The following ERBB4 variants were observed in gnomAD, a reference collection of about 807,000 sequenced individuals.
The protein encoded by ERBB4 is erb-b2 receptor tyrosine kinase 4.
A neutral mutation model predicts 158.0 loss-of-function variants in ERBB4; 42 were observed. That is an observed-to-expected ratio of 0.27 (90% CI 0.21 to 0.34). ERBB4 has a LOEUF of 0.34. Ranked by LOEUF, ERBB4 falls within the 10% of genes least tolerant of loss-of-function variation. The pLI, the probability that ERBB4 is intolerant of heterozygous loss-of-function variation, is 1.00. For synonymous variants in ERBB4, 583 were observed against 558.7 expected (o/e 1.04, Z -0.61); for missense variants, 1,333 against 1,624.1 (o/e 0.82, Z 3.08).
At chr2:211,739,431 C>T (rs1169827309) in intron 5 of ERBB4, among the ~76,000 whole-genome samples, 1 of 152,030 alleles carries the variant, frequency 6.6e-6, no homozygotes, top group Non-Finnish European at 1.5e-5. Flanking sequence ...GAAAATGATT[C>T]CACAAGGTTA....
At position 211,381,889 on chromosome 2, in the gene ERBB4, C is replaced by G. The variant is rs941280228; in HGVS notation, c.*1726G>C. On this transcript the variant is annotated 3_prime_UTR_variant, in exon 28 of 28. Coordinates refer to ENST00000342788, the MANE Select transcript of ERBB4 (RefSeq NM_005235.3). ...ATTTTCAGAAAAGGGCGACTTATAT[C>G]TAAGTTTCCTAATTATTGATGTGAG... 6 of 229,066 alleles carry G rather than the reference C, an allele frequency of 2.6e-5. No individual in the cohort carries two copies. Among genetic ancestry groups the G allele is most frequent in the Admixed American group, 1.1e-4 (2 of 17,640 alleles). The allele number at this position is 229,066 out of a possible 1,614,324, so 14.2% of individuals were successfully genotyped here. A position where few individuals can be genotyped will look rare whatever the true frequency, so the allele number is the denominator to read the frequency against.
chr2:211,921,079 C>T (rs914869220), intron 3 of ERBB4, among the ~76,000 whole-genome samples: 6 of 151,760 alleles, frequency 4.0e-5, no homozygotes, highest in Non-Finnish European at 8.8e-5. Flanking sequence ...ACACTTGATG[C>T]CAAACTTTAA....
At position 212,044,067 on chromosome 2, in the gene ERBB4, G is replaced by T. The variant is rs376689679; in HGVS notation, c.234+80685C>A. Among the ~76,000 whole-genome samples, 6 of 151,962 alleles carry T rather than the reference G, an allele frequency of 3.9e-5. No homozygotes were observed. In the South Asian group the frequency reaches 1.2e-3, roughly 31 times the overall value. ...TCTGGAAAAGGTCTTAATTTTTGTT[G>T]TTGTTTTATTCTGAGTGCTTTATGT... On this transcript the variant is annotated intron_variant, in intron 2 of 27. Transcript: ENST00000342788.
chr2:211,380,941 A>T lies in ERBB4; in HGVS notation c.*2674T>A. The T allele has an allele frequency of 4.3e-6, 1 of 232,296 alleles. No homozygotes were observed. Among genetic ancestry groups the T allele is most frequent in the Non-Finnish European group, 8.5e-6 (1 of 117,480 alleles). 14.4% of individuals were successfully genotyped at this position (232,296 alleles called of 1,614,324 possible). ...CCAGTAGAAACCATATGCATATTGTAAATCAGAAAAAAAAAATCAAGGTAT... is the reference window on the plus strand; with the variant it reads ...CCAGTAGAAACCATATGCATATTGTTAATCAGAAAAAAAAAATCAAGGTAT... On this transcript the variant is annotated 3_prime_UTR_variant, in exon 28 of 28. Coordinates refer to ENST00000342788, the MANE Select transcript of ERBB4 (RefSeq NM_005235.3).
At chr2:211,929,063 A>G (rs980449402) in intron 3 of ERBB4, among the ~76,000 whole-genome samples, 1 of 152,166 alleles carries the variant, frequency 6.6e-6, no homozygotes, top group African/African-American at 2.4e-5. Flanking sequence ...ATATACCTTC[A>G]TGGGTACATG....
At chr2:212,394,956 C>A (rs1454591070) in intron 1 of ERBB4, among the ~76,000 whole-genome samples, 1 of 152,136 alleles carries the variant, frequency 6.6e-6, no homozygotes, top group East Asian at 1.9e-4. Context: ...CCTTAAACGT[C>A]AACTTCCAGA....
At chr2:211,768,902 T>C (rs1467621384) in intron 4 of ERBB4, among the ~76,000 whole-genome samples, 5 of 152,226 alleles carry the variant, frequency 3.3e-5, no homozygotes, top group African/African-American at 4.8e-5. Context: ...GAATTTCTCA[T>C]CAGAAAATAA....
At chr2:212,346,540 G>A (rs563879637) in intron 1 of ERBB4, among the ~76,000 whole-genome samples, 2 of 135,254 alleles carry the variant, frequency 1.5e-5, no homozygotes, top group South Asian at 4.2e-4. Context: ...TGTTTTAAAT[G>A]TTTTAATGTT....
intron 3 of ERBB4, among the ~76,000 whole-genome samples, chr2:211,799,959 T>A (rs2105886987): frequency 6.6e-6 from 1 of 152,300 alleles, no homozygotes; most frequent in South Asian, 2.1e-4. Context: ...TTTAAAAAAA[T>A]ATATTTTAAC....
intron 1 of ERBB4, among the ~76,000 whole-genome samples, chr2:212,158,376 C>A (rs1335835728): frequency 6.6e-6 from 1 of 151,938 alleles, no homozygotes; most frequent in African/African-American, 2.4e-5. Context: ...TCCCACCACA[C>A]TATACTGGAA....
intron 1 of ERBB4, among the ~76,000 whole-genome samples, chr2:212,316,963 A>T (rs1187004815): frequency 6.6e-6 from 1 of 151,494 alleles, no homozygotes; most frequent in Non-Finnish European, 1.5e-5. Flanking sequence ...TTCTGAGGTG[A>T]TTATATTAAA....
At chr2:211,648,195 T>C (rs2070849018) in intron 16 of ERBB4, among the ~76,000 whole-genome samples, 1 of 151,770 alleles carries the variant, frequency 6.6e-6, no homozygotes, top group Non-Finnish European at 1.5e-5. Context: ...ATAAAATTTG[T>C]TCCATTTTCT....
rs1298986233 is a variant in ERBB4 at position 212,215,065 on chromosome 2, G to C, written c.83-90162C>G. ...TTAACCTATAATGTTAAGGAATCAG[G>C]TTGTGATAACTTTGAGGGGAAGAGG... On this transcript the variant is annotated intron_variant, in intron 1 of 27. Coordinates refer to ENST00000342788, the MANE Select transcript of ERBB4 (RefSeq NM_005235.3). Among the ~76,000 whole-genome samples, 4 of 151,572 alleles carry C rather than the reference G, an allele frequency of 2.6e-5. No individual in the cohort carries two copies. The Admixed American group carries it at 2.6e-4, about 10-fold the overall frequency.
In ERBB4 at chr2:211,561,883, A is replaced by G; in HGVS notation, c.2487+20T>C. On this transcript the variant is annotated intron_variant, in intron 20 of 27. Transcript: ENST00000342788. ...ATTAACCTAAAAATGTAATTTCCAT[A>G]GAAATTGACAGGCACTTACCTTAGC... 6.2e-7 allele frequency: 1 copy of G among 1,601,586 alleles called. No homozygotes were observed. The highest frequency in any genetic ancestry group is 2.2e-5 in the East Asian group (1 of 44,840).
Position 212,059,301 on chromosome 2 carries a change from C to T in ERBB4, c.234+65451G>A, listed in dbSNP as rs561871326. On this transcript the variant is annotated intron_variant, in intron 2 of 27. Transcript: ENST00000342788. ...TCAATGAAATAAAAGAGGATACAAA[C>T]AAATGGAAGAACATTCCATTCTCAT... 9.2e-5 allele frequency among the ~76,000 whole-genome samples: 14 copies of T among 152,240 alleles called. No individual in the cohort carries two copies. The East Asian group carries it at 2.3e-3, about 25-fold the overall frequency.
intron 3 of ERBB4, among the ~76,000 whole-genome samples, chr2:211,895,250 TC>T (rs2079067219): frequency 6.6e-6 from 1 of 152,220 alleles, no homozygotes; most frequent in African/African-American, 2.4e-5. Context: ...TTAGCAATGG[TC>T]CCCTTATCTT....
At chr2:212,378,203 G>A (rs1174057455) in intron 1 of ERBB4, among the ~76,000 whole-genome samples, 1 of 151,744 alleles carries the variant, frequency 6.6e-6, no homozygotes, top group Admixed American at 6.6e-5. Context: ...CAGTATTGTT[G>A]GCTGAAATGT....
intron 19 of ERBB4, among the ~76,000 whole-genome samples, chr2:211,581,240 A>T (rs1327478140): frequency 6.6e-6 from 1 of 151,978 alleles, no homozygotes; most frequent in East Asian, 1.9e-4. Context: ...GTAACAAAAC[A>T]TCACCTGTTC....
At chr2:211,972,882 A>C (rs1312633118) in intron 2 of ERBB4, among the ~76,000 whole-genome samples, 1 of 152,202 alleles carries the variant, frequency 6.6e-6, no homozygotes, top group Non-Finnish European at 1.5e-5. Flanking sequence ...CAGCAATTGC[A>C]ACTAAAGCAA....
Sources: gnomAD v4.1 joint callset for allele counts (sites outside exome capture counted in the v4.1 genomes callset) on GRCh38, gnomAD v4.1.1 for gene constraint, MANE v1.5 for transcripts, NCBI Gene and HGNC (gene_info 2026-07-23, HGNC 2026-07-21) for gene names.